RPS6KA6: variants seen among roughly 807,000 people sequenced by gnomAD.
The protein encoded by RPS6KA6 is ribosomal protein S6 kinase A6, also known as ribosomal protein S6 kinase alpha-6.
Under a neutral mutation model 65.4 loss-of-function variants are expected in RPS6KA6, and 27 were observed. That is an observed-to-expected ratio of 0.41 (90% CI 0.30 to 0.57). The LOEUF is 0.57. RPS6KA6 is among the 20% of genes least tolerant of loss of function. RPS6KA6 has a pLI of 0.24. For missense variants in RPS6KA6, 486 were observed against 555.6 expected, an observed-to-expected ratio of 0.87 and a Z score of 1.26; for synonymous variants, 190 against 184.2, an observed-to-expected ratio of 1.03 and a Z score of -0.26.
intron 8 of RPS6KA6, among the ~76,000 whole-genome samples, chrX:84,123,291 G>T (rs1014359734): frequency 2.7e-5 from 3 of 112,488 alleles, no homozygotes; most frequent in African/African-American, 9.7e-5. Context: ...TACAGAAAAA[G>T]ATTCCTTCTG....
chrX:84,065,093 G>A lies in RPS6KA6; in HGVS notation c.1990C>T (p.Leu664Phe). The A allele has an allele frequency of 8.4e-7, 1 of 1,187,458 alleles. No homozygotes were observed. Among genetic ancestry groups the A allele is most frequent in the South Asian group, 1.9e-5 (1 of 53,103 alleles). Reference protein sequence around the residue: ...DGAKDLLSHMLHMDPHQRYTA... With the variant: ...DGAKDLLSHMFHMDPHQRYTA... The stretch of plus-strand genomic sequence containing the variant: ...TACCGCTGATGTGGGTCCATATGAA[G>A]CATATGGGAAAGCAAATCCTAAATT... The change falls in exon 21 of 22, where the codon CTT becomes TTT. Residue 664 changes from leucine to phenylalanine, a missense_variant. Coordinates refer to ENST00000262752, the MANE Select transcript of RPS6KA6 (RefSeq NM_014496.5).
At chrX:84,172,962 A>C (rs1224617491) in intron 1 of RPS6KA6, among the ~76,000 whole-genome samples, 4 of 110,952 alleles carry the variant, frequency 3.6e-5, no homozygotes, top group East Asian at 5.7e-4. Context: ...GGCTGGCAAA[A>C]AGGGGAGAAT....
intron 8 of RPS6KA6, among the ~76,000 whole-genome samples, chrX:84,122,800 C>T (rs2034703687): frequency 9.0e-6 from 1 of 111,411 alleles, no homozygotes; most frequent in Non-Finnish European, 1.9e-5. Flanking sequence ...TAGGCAACTA[C>T]TAGTGTTGAA....
At chrX:84,093,024 C>A (rs1212104668) in intron 20 of RPS6KA6, among the ~76,000 whole-genome samples, 2 of 112,266 alleles carry the variant, frequency 1.8e-5, no homozygotes, top group Non-Finnish European at 3.8e-5. Context: ...GAAATCCTAT[C>A]ATTTGTGGCA....
chrX:84,067,316 T>C (rs1218415585), intron 20 of RPS6KA6, among the ~76,000 whole-genome samples: 1 of 111,395 alleles, frequency 9.0e-6, no homozygotes, highest in Non-Finnish European at 1.9e-5. Flanking sequence ...AGGTGGGTAA[T>C]AACAAACTCC....
rs775112862 is a variant in RPS6KA6 at position 84,117,462 on chromosome X, A to C, written c.790-8T>G. ...ACCAGTAAGCATTTCAAACTAAAAC[A>C]AACAAACAAAACACACCACACAATT... On this transcript the variant is annotated splice_polypyrimidine_tract_variant and splice_region_variant and intron_variant, in intron 9 of 21. Coordinates refer to ENST00000262752, the MANE Select transcript of RPS6KA6 (RefSeq NM_014496.5). The C allele has an allele frequency of 9.1e-7, 1 of 1,093,187 alleles. No individual in the cohort carries two copies. Among genetic ancestry groups the C allele is most frequent in the Non-Finnish European group, 1.2e-6 (1 of 808,676 alleles). 90.1% of individuals were successfully genotyped at this position (1,093,187 alleles called of 1,213,427 possible).
intron 12 of RPS6KA6, among the ~76,000 whole-genome samples, chrX:84,108,619 G>T (rs1183622359): frequency 2.8e-5 from 3 of 106,840 alleles, no homozygotes; most frequent in African/African-American, 9.8e-5. Context: ...TTCTGCCACA[G>T]ACTTTCAATG....
chrX:84,173,402 C>G (rs2035716665), intron 1 of RPS6KA6, among the ~76,000 whole-genome samples: 1 of 111,371 alleles, frequency 9.0e-6, no homozygotes, highest in Non-Finnish European at 1.9e-5. Context: ...AATGAGCAAC[C>G]TAGGATTGTC....
chrX:84,111,709 G>C (rs1602417607), intron 12 of RPS6KA6, among the ~76,000 whole-genome samples: 2 of 111,927 alleles, frequency 1.8e-5, no homozygotes, highest in East Asian at 5.6e-4. Context: ...GGAAACAAAA[G>C]TATGTCACTC....
intron 8 of RPS6KA6, among the ~76,000 whole-genome samples, chrX:84,128,974 C>G (rs940297527): frequency 3.6e-5 from 4 of 111,499 alleles, no homozygotes; most frequent in Non-Finnish European, 5.7e-5. Flanking sequence ...CACAGGTGAT[C>G]AAAGCAAATA....
intron 12 of RPS6KA6, among the ~76,000 whole-genome samples, chrX:84,114,709 T>C (rs2034532043): frequency 8.9e-6 from 1 of 111,780 alleles, no homozygotes; most frequent in Non-Finnish European, 1.9e-5. Flanking sequence ...TTTCAAATTA[T>C]ACTACAAGGC....
intron 1 of RPS6KA6, among the ~76,000 whole-genome samples, chrX:84,167,561 C>T (rs1045378836): frequency 9.0e-6 from 1 of 111,171 alleles, no homozygotes; most frequent in Non-Finnish European, 1.9e-5. Context: ...TATCACTCAG[C>T]AATAAAAAAG....
At chrX:84,079,445 T>C (rs745997077) in intron 20 of RPS6KA6, among the ~76,000 whole-genome samples, 82 of 105,898 alleles carry the variant, frequency 7.7e-4, no homozygotes, top group African/African-American at 2.6e-3. Flanking sequence ...TTTTCATACC[T>C]CAGTGATGCC....
intron 1 of RPS6KA6, among the ~76,000 whole-genome samples, chrX:84,168,768 G>T (rs1409241928): frequency 1.8e-5 from 2 of 111,670 alleles, no homozygotes; most frequent in Non-Finnish European, 3.8e-5. Flanking sequence ...TCATGAAGCT[G>T]TGGGTCTGAA....
chrX:84,083,913 T>C (rs2033860100), intron 20 of RPS6KA6, among the ~76,000 whole-genome samples: 2 of 112,518 alleles, frequency 1.8e-5, no homozygotes, highest in African/African-American at 3.2e-5. Context: ...TAATTGCCAT[T>C]CTAACTGGTG....
At chrX:84,130,142 T>A (rs1027261951) in intron 8 of RPS6KA6, among the ~76,000 whole-genome samples, 1 of 110,985 alleles carries the variant, frequency 9.0e-6, no homozygotes, top group Non-Finnish European at 1.9e-5. Context: ...CCACAAAATT[T>A]AAATTTAAAT....
chrX:84,164,323 C>T lies in RPS6KA6; in HGVS notation c.141+5G>A, dbSNP rs2035564504. ...GTGGCTTAATAAATTAACATAAATA[C>T]TTACATGACAAGAATCTGCTTCTCC... On this transcript the variant is annotated splice_donor_5th_base_variant and intron_variant, in intron 2 of 21. Coordinates refer to ENST00000262752, the MANE Select transcript of RPS6KA6 (RefSeq NM_014496.5). 1 of 1,165,034 alleles carries T rather than the reference C, an allele frequency of 8.6e-7. No individual in the cohort carries two copies. The highest frequency in any genetic ancestry group is 1.2e-6 in the Non-Finnish European group (1 of 856,299).
At position 84,139,611 on chromosome X, in the gene RPS6KA6, A is replaced by G. The variant is rs189759710; in HGVS notation, c.502-4401T>C. Among the ~76,000 whole-genome samples, 644 of 111,672 alleles carry G rather than the reference A, an allele frequency of 5.8e-3. 3 individuals carry two copies. The highest frequency in any genetic ancestry group is 0.019 in the African/African-American group (595 of 30,726). ...GCAAGTTCCAGAGCTCTGGGAATCA[A>G]CAGTAGCTCTCCCACATTCTACACT... On this transcript the variant is annotated intron_variant, in intron 6 of 21. Transcript: ENST00000262752.
intron 1 of RPS6KA6, among the ~76,000 whole-genome samples, chrX:84,173,748 A>G (rs768539754): frequency 2.2e-4 from 25 of 111,419 alleles, no homozygotes; most frequent in Non-Finnish European, 4.1e-4. Context: ...GTAACCTCAA[A>G]CTCCTAGGCT....
Sources: gnomAD v4.1 joint callset for allele counts (sites outside exome capture counted in the v4.1 genomes callset) on GRCh38, gnomAD v4.1.1 for gene constraint, MANE v1.5 for transcripts, NCBI Gene and HGNC (gene_info 2026-07-23, HGNC 2026-07-21) for gene names.